Variants in PDE4D observed in about 807,000 individuals in gnomAD.
The protein encoded by PDE4D is 3',5'-cyclic-AMP phosphodiesterase 4D.
In PDE4D, 24 loss-of-function variants were observed where a neutral mutation model predicts 87.4. That is an observed-to-expected ratio of 0.27 (90% CI 0.20 to 0.39). PDE4D has a LOEUF of 0.39. PDE4D is among the 10% of genes least tolerant of loss of function. The probability of loss-of-function intolerance (pLI) is 1.00; values close to 1 mark genes in which losing one functional copy is unlikely to be tolerated. For synonymous variants in PDE4D, 384 were observed against 383.2 expected (o/e 1.00, Z -0.02); for missense variants, 714 against 1,041.0 (o/e 0.69, Z 4.32).
chr5:60,093,319 T>C (rs899665384), intron 2 of PDE4D, among the ~76,000 whole-genome samples: 14 of 152,214 alleles, frequency 9.2e-5, no homozygotes, highest in African/African-American at 3.4e-4. Context: ...GGACACCATG[T>C]TGTTCTGGGT....
chr5:60,428,857 A>G (rs1187398041), intron 1 of PDE4D, among the ~76,000 whole-genome samples: 1 of 152,212 alleles, frequency 6.6e-6, no homozygotes, highest in Non-Finnish European at 1.5e-5. Flanking sequence ...ATGGCAAAGG[A>G]TATAATAATC....
At chr5:59,208,643 G>A (rs933381597) in intron 2 of PDE4D, among the ~76,000 whole-genome samples, 1 of 152,110 alleles carries the variant, frequency 6.6e-6, no homozygotes, top group Admixed American at 6.5e-5. Flanking sequence ...GAAAGTATGA[G>A]ATTAGGAATA....
At chr5:60,285,648 A>G (rs886623166) in intron 1 of PDE4D, among the ~76,000 whole-genome samples, 2 of 152,218 alleles carry the variant, frequency 1.3e-5, no homozygotes, top group African/African-American at 4.8e-5. Flanking sequence ...CTAAGAAGAA[A>G]AGCTATGTGT....
intron 5 of PDE4D, among the ~76,000 whole-genome samples, chr5:59,105,474 A>C (rs1276093350): frequency 6.6e-6 from 1 of 152,186 alleles, no homozygotes; most frequent in Non-Finnish European, 1.5e-5. Flanking sequence ...ACTATGCATA[A>C]GTCCTGAATG....
intron 1 of PDE4D, among the ~76,000 whole-genome samples, chr5:59,598,363 G>T (rs560916409): frequency 1.6e-3 from 241 of 152,198 alleles, no homozygotes; most frequent in Admixed American, 4.0e-3. Context: ...AAAATAAAAA[G>T]CAGGAAGTGG....
At chr5:60,005,743 A>T (rs1429790546) in intron 2 of PDE4D, among the ~76,000 whole-genome samples, 1 of 152,024 alleles carries the variant, frequency 6.6e-6, no homozygotes, top group African/African-American at 2.4e-5. Flanking sequence ...ATTATAGAAA[A>T]TTCAAAGGAC....
chr5:59,378,517 G>T (rs1010774044), intron 1 of PDE4D, among the ~76,000 whole-genome samples: 1 of 152,110 alleles, frequency 6.6e-6, no homozygotes, highest in African/African-American at 2.4e-5. Context: ...AGGATTAAAA[G>T]CTCCAAGAAA....
chr5:60,176,020 A>C (rs1240468084), intron 2 of PDE4D, among the ~76,000 whole-genome samples: 1 of 152,014 alleles, frequency 6.6e-6, no homozygotes, highest in Non-Finnish European at 1.5e-5. Flanking sequence ...CTTTTGTTCC[A>C]CTGGGAAATG....
rs565855300 is a variant in PDE4D at position 60,144,396 on chromosome 5, AT to A, written c.42+41160del. Among the ~76,000 whole-genome samples the A allele has an allele frequency of 5.0e-3, 757 of 152,360 alleles. 1 individual carries two copies. Among genetic ancestry groups the A allele is most frequent in the African/African-American group, 0.017 (724 of 41,590 alleles). On this transcript the variant is annotated intron_variant, in intron 2 of 16. Transcript: ENST00000502484. Reference sequence around the variant, plus strand: ...AGTGAAGCATTTCTTTCTATTGCTCATCATCGATAAAGAGAAAACTGCTACG... The same window carrying A: ...AGTGAAGCATTTCTTTCTATTGCTCACATCGATAAAGAGAAAACTGCTACG...
At chr5:59,591,584 T>C (rs1305013346) in intron 1 of PDE4D, among the ~76,000 whole-genome samples, 1 of 152,228 alleles carries the variant, frequency 6.6e-6, no homozygotes, top group East Asian at 1.9e-4. Flanking sequence ...AACTCCTGTA[T>C]ATTTAGACAT....
chr5:59,696,379 T>C (rs1459173561), intron 1 of PDE4D, among the ~76,000 whole-genome samples: 1 of 152,192 alleles, frequency 6.6e-6, no homozygotes, highest in Non-Finnish European at 1.5e-5. Flanking sequence ...CATCAATGAC[T>C]ACACATCCTG....
chr5:59,219,305 T>C (rs153980), intron 1 of PDE4D, among the ~76,000 whole-genome samples: 18,108 of 152,086 alleles, frequency 0.12, 1,228 homozygotes, highest in Non-Finnish European at 0.14. Flanking sequence ...GCATCATTAA[T>C]AGTCTGGGGT....
intron 1 of PDE4D, among the ~76,000 whole-genome samples, chr5:59,384,915 A>G (rs1204333728): frequency 6.6e-6 from 1 of 152,024 alleles, no homozygotes; most frequent in African/African-American, 2.4e-5. Flanking sequence ...ATCACTGTTT[A>G]CATATTTTTA....
intron 3 of PDE4D, among the ~76,000 whole-genome samples, chr5:59,955,628 G>A (rs982444913): frequency 6.6e-6 from 1 of 152,078 alleles, no homozygotes; most frequent in Admixed American, 6.6e-5. Flanking sequence ...TAATATTTTT[G>A]TCCCAATCAT....
At chr5:60,288,188 C>A (rs1056373971) in intron 1 of PDE4D, among the ~76,000 whole-genome samples, 1 of 152,196 alleles carries the variant, frequency 6.6e-6, no homozygotes, top group African/African-American at 2.4e-5. Flanking sequence ...CTCAAATCTG[C>A]AAGCATTGTT....
chr5:59,696,195 G>A (rs1342859098), intron 1 of PDE4D, among the ~76,000 whole-genome samples: 1 of 152,132 alleles, frequency 6.6e-6, no homozygotes, highest in South Asian at 2.1e-4. Flanking sequence ...GGAAATGAAA[G>A]GCTGAAAGTA....
chr5:60,215,737 A>T (rs1743785043), intron 1 of PDE4D, among the ~76,000 whole-genome samples: 1 of 152,090 alleles, frequency 6.6e-6, no homozygotes, highest in Non-Finnish European at 1.5e-5. Flanking sequence ...GTTATCATAA[A>T]CTCTGAGAGA....
intron 1 of PDE4D, among the ~76,000 whole-genome samples, chr5:60,390,603 T>G (rs1762494322): frequency 6.6e-6 from 1 of 151,506 alleles, no homozygotes; most frequent in African/African-American, 2.4e-5. Flanking sequence ...TAGGCTGCCC[T>G]TTGGAAATGG....
intron 3 of PDE4D, among the ~76,000 whole-genome samples, chr5:59,958,845 C>T (rs924784924): frequency 6.6e-5 from 10 of 151,946 alleles, no homozygotes; most frequent in Admixed American, 3.3e-4. Flanking sequence ...CTAGTCAGAG[C>T]GATCAGGCAA....
Sources: gnomAD v4.1 joint callset for allele counts (sites outside exome capture counted in the v4.1 genomes callset) on GRCh38, gnomAD v4.1.1 for gene constraint, MANE v1.5 for transcripts, NCBI Gene and HGNC (gene_info 2026-07-23, HGNC 2026-07-21) for gene names.